ADGRV1: variants seen among roughly 807,000 people sequenced by gnomAD.
ADGRV1 encodes G-protein coupled receptor 98.
In ADGRV1, 359 loss-of-function variants were observed where a neutral mutation model predicts 596.2. The ratio of observed to expected loss-of-function variants is 0.60; its 90% CI spans 0.55 to 0.66. The LOEUF is 0.66. Ranked by LOEUF, ADGRV1 falls within the 30% of genes least tolerant of loss-of-function variation. The pLI, the probability that ADGRV1 is intolerant of heterozygous loss-of-function variation, is 0.00. For missense variants in ADGRV1, 7,274 were observed against 7,575.6 expected (o/e 0.96, Z 1.48); for synonymous variants, 2,681 against 2,679.2 (o/e 1.00, Z -0.02).
chr5:90,731,463 T>A (rs2203825), intron 50 of ADGRV1, among the ~76,000 whole-genome samples: 19,349 of 152,144 alleles, frequency 0.13, 3,592 homozygotes, highest in African/African-American at 0.41. Context: ...CCAATACCAT[T>A]TGCTCTGTGA....
chr5:90,652,642 G>C, intron 19 of ADGRV1, 79 bp downstream of exon 19: 3 of 893,938 alleles, frequency 3.4e-6, no homozygotes, highest in Non-Finnish European at 5.0e-6. Flanking sequence ...TAGATAATTA[G>C]AGCCATATAC....
chr5:91,022,050 A>G (rs1783676892), intron 85 of ADGRV1, among the ~76,000 whole-genome samples: 1 of 152,104 alleles, frequency 6.6e-6, no homozygotes, highest in African/African-American at 2.4e-5. Flanking sequence ...AATCATACAA[A>G]CAAATGATAG....
chr5:90,965,265 A>T (rs747313153), intron 83 of ADGRV1, 150 bp from the exon 84 acceptor site: 3 of 550,296 alleles, frequency 5.5e-6, no homozygotes, highest in Non-Finnish European at 6.5e-6. Context: ...TTTTAGAATG[A>T]CTCTTAGTCA....
intron 34 of ADGRV1, among the ~76,000 whole-genome samples, chr5:90,697,717 T>C (rs558841109): frequency 3.9e-5 from 6 of 152,186 alleles, no homozygotes; most frequent in Admixed American, 1.3e-4. Context: ...CTTAATATTT[T>C]ACATCATATG....
chr5:90,610,053 A>G (rs1762553126), intron 1 of ADGRV1, among the ~76,000 whole-genome samples: 1 of 151,938 alleles, frequency 6.6e-6, no homozygotes, highest in Non-Finnish European at 1.5e-5. Flanking sequence ...CCGTTTCTAT[A>G]TAGTTATTGA....
At chr5:90,970,851 C>T (rs6896506) in intron 84 of ADGRV1, among the ~76,000 whole-genome samples, 76,198 of 151,804 alleles carry the variant, frequency 0.5, 20,761 homozygotes, top group African/African-American at 0.71. Context: ...CAAAGCTAGA[C>T]GGAGAATGAC....
intron 69 of ADGRV1, 50 bp from the exon 70 acceptor site, chr5:90,790,823 G>A: frequency 8.5e-7 from 1 of 1,180,444 alleles, no homozygotes; most frequent in East Asian, 2.3e-5. Context: ...GGAATTTGGT[G>A]CAATATACTG....
intron 85 of ADGRV1, among the ~76,000 whole-genome samples, chr5:91,044,477 A>T (rs1335302923): frequency 6.6e-5 from 10 of 152,150 alleles, no homozygotes; most frequent in Non-Finnish European, 1.5e-4. Flanking sequence ...CAGTATTGCT[A>T]TTAAAAGAAC....
At chr5:90,729,868 G>T in intron 50 of ADGRV1, 104 bp downstream of exon 50, 1 of 1,197,466 alleles carries the variant, frequency 8.4e-7, no homozygotes. Context: ...CAGACACTGG[G>T]TATTTTTTTT....
At chr5:90,828,453 T>G (rs537577230) in intron 76 of ADGRV1, among the ~76,000 whole-genome samples, 5 of 152,210 alleles carry the variant, frequency 3.3e-5, no homozygotes, top group South Asian at 2.1e-4. Context: ...AAAGAAAACT[T>G]TACATAAATA....
At chr5:90,816,332 T>C (rs1762886591) in intron 75 of ADGRV1, among the ~76,000 whole-genome samples, 1 of 151,746 alleles carries the variant, frequency 6.6e-6, no homozygotes, top group Non-Finnish European at 1.5e-5. Context: ...TCACATTTTT[T>C]GGACATAATA....
intron 50 of ADGRV1, among the ~76,000 whole-genome samples, chr5:90,742,559 T>C (rs957002317): frequency 6.6e-6 from 1 of 152,096 alleles, no homozygotes; most frequent in Non-Finnish European, 1.5e-5. Context: ...GATGCCTTTC[T>C]TGAGGAGGTG....
chr5:90,562,806 C>G (rs1580271841), intron 1 of ADGRV1, among the ~76,000 whole-genome samples: 3 of 152,148 alleles, frequency 2.0e-5, no homozygotes, highest in African/African-American at 7.2e-5. Context: ...GTTGGGGCAT[C>G]TCTTTGAGAG....
At chr5:90,603,379 A>G (rs1761662257) in intron 1 of ADGRV1, among the ~76,000 whole-genome samples, 1 of 152,198 alleles carries the variant, frequency 6.6e-6, no homozygotes, top group Admixed American at 6.5e-5. Context: ...GAGGGTAGGC[A>G]GGAGCTTGTG....
rs1283193084 is a variant in ADGRV1 at position 90,558,846 on chromosome 5, G to A, written c.-50G>A. 2 of 1,551,956 alleles carry A rather than the reference G, an allele frequency of 1.3e-6. No individual in the cohort carries two copies. Among genetic ancestry groups the A allele is most frequent in the African/African-American group, 2.7e-5 (2 of 73,714 alleles). On this transcript the variant is annotated 5_prime_UTR_variant, in exon 1 of 90. Transcript: ENST00000405460. ...CAAGGAGTACGGACGGGAGTCAGAG[G>A]CAGAGCGAGGGTGTGTGGAGGGCCG...
chr5:90,817,685 G>T (rs1281267927), intron 75 of ADGRV1, among the ~76,000 whole-genome samples: 5 of 152,080 alleles, frequency 3.3e-5, no homozygotes, highest in South Asian at 4.1e-4. Context: ...TTTCCCCATT[G>T]CTTGTTTTTC....
At position 90,778,002 on chromosome 5, in the gene ADGRV1, A is replaced by G. The variant is rs755682865; in HGVS notation, c.12625A>G (p.Thr4209Ala). The G allele has an allele frequency of 6.3e-7, 1 of 1,594,798 alleles. No individual in the cohort carries two copies. Among genetic ancestry groups the G allele is most frequent in the South Asian group, 1.1e-5 (1 of 88,276 alleles). ...GEFAETSGKL[T>A]MRDEQSAVIV... The stretch of plus-strand genomic sequence containing the variant: ...ATTTGCTGAAACATCAGGAAAACTG[A>G]CAATGCGAGACGAACAGTCTGCAGT... Residue 4209 changes from threonine (T) to alanine (A), a missense_variant, in exon 62 of 90, where the codon ACA becomes GCA. Physicochemically the swap from Thr to Ala is moderately conservative, Grantham distance 58. Transcript: ENST00000405460.
intron 59 of ADGRV1, among the ~76,000 whole-genome samples, chr5:90,768,418 ATCCAC>A (rs1299040693): frequency 1.3e-5 from 2 of 152,188 alleles, no homozygotes; most frequent in Non-Finnish European, 2.9e-5. Flanking sequence ...GGCTAGTGGT[ATCCAC>A]TCCATCAATA....
At chr5:90,595,077 C>G in intron 1 of ADGRV1, among the ~76,000 whole-genome samples, 3 of 141,204 alleles carry the variant, frequency 2.1e-5, no homozygotes, top group African/African-American at 8.5e-5. Context: ...AGAGGCGCCC[C>G]TCACCTCCCG....
Sources: allele counts gnomAD v4.1 joint callset (sites outside exome capture counted in the v4.1 genomes callset), GRCh38; gene constraint gnomAD v4.1.1; transcripts MANE v1.5; gene names NCBI Gene and HGNC (gene_info 2026-07-23, HGNC 2026-07-21).